The following ITGA11 variants were observed in gnomAD, a reference collection of about 807,000 sequenced individuals.
ITGA11 encodes integrin subunit alpha 11, also known as integrin alpha-11.
In ITGA11, 97 loss-of-function variants were observed where a neutral mutation model predicts 141.9. The ratio of observed to expected loss-of-function variants is 0.68; its 90% confidence interval spans 0.58 to 0.81. The LOEUF is 0.81. Among genes scored for constraint, ITGA11 ranks in the 30% least tolerant of loss-of-function variants. The probability of loss-of-function intolerance (pLI) is 0.00; values close to 1 mark genes in which losing one functional copy is unlikely to be tolerated. For synonymous variants in ITGA11, 658 were observed against 624.6 expected, an observed-to-expected ratio of 1.05 and a Z score of -0.80; for missense variants, 1,387 against 1,559.2, an observed-to-expected ratio of 0.89 and a Z score of 1.86.
chr15:68,413,629 C>T (rs1896826269), intron 1 of ITGA11, among the ~76,000 whole-genome samples: 2 of 152,188 alleles, frequency 1.3e-5, no homozygotes, highest in Admixed American at 6.5e-5. Flanking sequence ...CTCTCTGGGC[C>T]TCAGCTTCCC....
Position 68,349,030 on chromosome 15 carries a change from G to A in ITGA11, c.1061-130C>T, listed in dbSNP as rs539823263. 2,763 of 770,964 alleles carry A rather than the reference G, an allele frequency of 3.6e-3. 39 individuals carry two copies. The highest frequency in any genetic ancestry group is 0.033 in the African/African-American group (1,928 of 58,378). 47.8% of individuals were successfully genotyped at this position (770,964 alleles called of 1,614,324 possible). On this transcript the variant is annotated intron_variant, in intron 9 of 29. Coordinates refer to ENST00000315757, the MANE Select transcript of ITGA11 (RefSeq NM_001004439.2). ...GAGGTGGGGCTCTCTTTCGAGGGGG[G>A]GCTCTGAAGCTGAGGCCAGTAGTGT...
At position 68,349,715 on chromosome 15, in the gene ITGA11, A is replaced by G. The variant is rs577774297; in HGVS notation, c.1061-815T>C. On this transcript the variant is annotated intron_variant, in intron 9 of 29. Transcript: ENST00000315757. ...GATATTGGAAGGGCCCACTGTAGCA[A>G]TTTATGGTGGAAATGAAATTTATGC... Among the ~76,000 whole-genome samples the G allele has an allele frequency of 4.5e-4, 68 of 152,258 alleles. 2 individuals carry two copies. The South Asian group carries it at 0.014, about 32-fold the overall frequency.
chr15:68,303,801 GC>G lies in ITGA11; in HGVS notation c.3465del (p.Leu1156TrpfsTer42). On this transcript the variant is annotated frameshift_variant, in exon 29 of 30. Transcript: ENST00000315757. LOFTEE classifies it high-confidence loss of function. The surrounding 1 kb of genome is among the most constrained non-coding windows in gnomAD (Gnocchi z 5.3). ...CACAGTGCCAGGACCAGCAGGGCCAGCAGTAGGAGGCCCCCCAGGGTGCTGC... is the reference window on the plus strand; with the variant it reads ...CACAGTGCCAGGACCAGCAGGGCCAGAGTAGGAGGCCCCCCAGGGTGCTGC... ...IVGSTLGGLLLLALLVLALWK... is the reference protein window; with the variant it reads ...IVGSTLGGLLXLALLVLALWK... The G allele has an allele frequency of 6.2e-7, 1 of 1,612,400 alleles. No homozygotes were observed. The highest frequency in any genetic ancestry group is 8.5e-7 in the Non-Finnish European group (1 of 1,178,812).
At position 68,432,118 on chromosome 15, in the gene ITGA11, A is replaced by T; in HGVS notation, c.-52T>A. The T allele has an allele frequency of 7.6e-7, 1 of 1,313,326 alleles. No individual in the cohort carries two copies. Among genetic ancestry groups the T allele is most frequent in the East Asian group, 3.1e-5 (1 of 32,140 alleles). The allele number at this position is 1,313,326 out of a possible 1,614,324, so 81.4% of individuals were successfully genotyped here. A position where few individuals can be genotyped will look rare whatever the true frequency, so the allele number is the denominator to read the frequency against. Reference sequence around the variant, plus strand: ...GTGTGCAGCGGCGGCGGGGGGCGGCAAGCCAGAGCGGCAGCCTCCTCGGCG... The same window carrying T: ...GTGTGCAGCGGCGGCGGGGGGCGGCTAGCCAGAGCGGCAGCCTCCTCGGCG... On this transcript the variant is annotated 5_prime_UTR_variant, in exon 1 of 30. Coordinates refer to ENST00000315757, the MANE Select transcript of ITGA11 (RefSeq NM_001004439.2).
At chr15:68,313,249 A>C (rs1595852669) in intron 23 of ITGA11, among the ~76,000 whole-genome samples, 2 of 143,234 alleles carry the variant, frequency 1.4e-5, no homozygotes, top group African/African-American at 2.7e-5. Flanking sequence ...TTCTGCCCTG[A>C]CTTCTCCATC....
chr15:68,311,031 G>T lies in ITGA11; in HGVS notation c.3137C>A (p.Thr1046Asn), dbSNP rs372902171. Reference sequence around the variant, plus strand: ...ACGACGCAAGTCTTCCTCCACTGGGGTGGGCCGGTACTCAGTGCTATTGCC... The same window carrying T: ...ACGACGCAAGTCTTCCTCCACTGGGTTGGGCCGGTACTCAGTGCTATTGCC... ...IWGNSTEYRP[T>N]PVEEDLRRAP... Residue 1046 changes from threonine to asparagine, a missense_variant, in exon 26 of 30, where the codon ACC (threonine) becomes AAC (asparagine). By Grantham distance (65) the Thr-to-Asn change is moderately conservative. Coordinates refer to ENST00000315757, the MANE Select transcript of ITGA11 (RefSeq NM_001004439.2). 3.7e-5 allele frequency: 60 copies of T among 1,607,264 alleles called. 1 individual carries two copies. In the African/African-American group the frequency reaches 7.1e-4, roughly 19 times the overall value.
intron 3 of ITGA11, among the ~76,000 whole-genome samples, chr15:68,367,766 C>T (rs2415009): frequency 0.93 from 141,814 of 152,254 alleles, 66,385 homozygotes; most frequent in Middle Eastern, 0.98. Context: ...TAAGGGTTGT[C>T]GAGTCCAGCC....
chr15:68,360,705 G>A (rs1479816716), intron 5 of ITGA11, among the ~76,000 whole-genome samples: 5 of 152,090 alleles, frequency 3.3e-5, no homozygotes, highest in South Asian at 2.1e-4. Context: ...GGCCCCTCAC[G>A]TACCCTGACC....
chr15:68,351,939 C>T (rs1254307204), intron 7 of ITGA11, among the ~76,000 whole-genome samples: 2 of 151,938 alleles, frequency 1.3e-5, no homozygotes, highest in Non-Finnish European at 2.9e-5. Flanking sequence ...AAAAATTAGC[C>T]GGGTGTGTTG....
At chr15:68,329,660 C>A (rs1422390330) in intron 15 of ITGA11, among the ~76,000 whole-genome samples, 2 of 152,208 alleles carry the variant, frequency 1.3e-5, no homozygotes, top group Non-Finnish European at 2.9e-5. Flanking sequence ...TGTACCTCCT[C>A]CCCGGGCCTT....
intron 2 of ITGA11, among the ~76,000 whole-genome samples, chr15:68,399,102 A>T (rs1896400048): frequency 6.6e-6 from 1 of 152,046 alleles, no homozygotes; most frequent in African/African-American, 2.4e-5. Context: ...AACATAAAGG[A>T]TCTATCATAG....
intron 1 of ITGA11, among the ~76,000 whole-genome samples, chr15:68,405,067 A>AC (rs899092282): frequency 1.3e-5 from 2 of 148,674 alleles, no homozygotes; most frequent in African/African-American, 5.0e-5. Flanking sequence ...CTGGGCACTG[A>AC]CCCCCTGCTC....
chr15:68,315,571 G>A (rs1041853458), intron 22 of ITGA11, 80 bp downstream of exon 22: 12 of 1,186,530 alleles, frequency 1.0e-5, no homozygotes, highest in Non-Finnish European at 1.4e-5. Context: ...CTCAGTGTCG[G>A]GAGGAGCAGT....
chr15:68,376,883 C>T (rs922123631), intron 2 of ITGA11, among the ~76,000 whole-genome samples: 1 of 152,216 alleles, frequency 6.6e-6, no homozygotes, highest in Non-Finnish European at 1.5e-5. Flanking sequence ...AAGGTTCTGA[C>T]TCAGCCAGTG....
At chr15:68,351,121 G>A (rs1894897572) in intron 8 of ITGA11, 137 bp downstream of exon 8, 2 of 909,610 alleles carry the variant, frequency 2.2e-6, no homozygotes, top group Non-Finnish European at 3.3e-6. Flanking sequence ...TTGTTGTTCA[G>A]AAGATGAAAT....
In ITGA11 at chr15:68,337,994, G is replaced by A. The variant is rs376778351; in HGVS notation, c.1276+1506C>T. Among the ~76,000 whole-genome samples the A allele has an allele frequency of 2.4e-4, 36 of 152,278 alleles. No individual in the cohort carries two copies. The East Asian group carries it at 2.7e-3, about 11-fold the overall frequency. ...CAGTAGGTCCCGAGTGTACCAGCTC[G>A]CTGGACCATGGCCAACCACATCGTT... On this transcript the variant is annotated intron_variant, in intron 11 of 29. Transcript: ENST00000315757.
At position 68,299,479 on chromosome 15, in the gene ITGA11, C is replaced by T. The variant is rs1017689680; in HGVS notation, c.*3580G>A. On this transcript the variant is annotated 3_prime_UTR_variant, in exon 30 of 30. Transcript: ENST00000315757. ...GATAAAAGGCTGGAACCACATTAGC[C>T]GAAGGTAAAAGCAAAGACTGGTGTG... 3 of 151,288 alleles carry T rather than the reference C, an allele frequency of 2.0e-5. No homozygotes were observed. The highest frequency in any genetic ancestry group is 4.9e-5 in the African/African-American group (2 of 41,110). The allele number at this position is 151,288 out of a possible 1,614,324, so 9.4% of individuals were successfully genotyped here.
At position 68,328,174 on chromosome 15, in the gene ITGA11, T is replaced by C. The variant is rs1316233649; in HGVS notation, c.1990A>G (p.Arg664Gly). The C allele has an allele frequency of 1.2e-6, 2 of 1,613,820 alleles. No homozygotes were observed. Among genetic ancestry groups the C allele is most frequent in the Non-Finnish European group, 1.7e-6 (2 of 1,179,858 alleles). The part of the protein sequence containing the change: ...IFHRDCKRSG[R>G]DATCLAAFLC... ...AAGGCGGCCAGGCAGGTGGCATCCC[T>C]GCCACTGCGCTTGCAGTCTCTGTGG... Residue 664 changes from arginine to glycine, a missense_variant, in exon 16 of 30, where the codon AGG (arginine) becomes GGG (glycine). Physicochemically the swap from Arg to Gly is moderately radical, Grantham distance 125. Transcript: ENST00000315757. This position sits in a 1 kb window ranked among gnomAD's most constrained non-coding sequence, Gnocchi z 4.8.
At chr15:68,351,673 C>A (rs1894915229) in intron 7 of ITGA11, among the ~76,000 whole-genome samples, 1 of 151,978 alleles carries the variant, frequency 6.6e-6, no homozygotes, top group Admixed American at 6.6e-5. Context: ...TTTGGACAGG[C>A]CAAAGGGATG....
Sources: allele counts gnomAD v4.1 joint callset (sites outside exome capture counted in the v4.1 genomes callset), GRCh38; gene constraint gnomAD v4.1.1; non-coding constraint Gnocchi (gnomAD v3.1); transcripts MANE v1.5; gene names NCBI Gene and HGNC (gene_info 2026-07-23, HGNC 2026-07-21).